CATSPERZ: variants seen among roughly 807,000 people sequenced by gnomAD.
The protein encoded by CATSPERZ is catsper channel auxiliary subunit zeta.
A neutral mutation model predicts 21.7 loss-of-function variants in CATSPERZ; 21 were observed. The ratio of observed to expected loss-of-function variants is 0.97; its 90% confidence interval spans 0.69 to 1.39. The LOEUF (loss-of-function observed/expected upper bound fraction) is 1.39, where lower values mean the gene tolerates loss of function less well. Among genes scored for constraint, CATSPERZ ranks in the 40% most tolerant of loss-of-function variants. CATSPERZ has a pLI of 0.00. For missense variants in CATSPERZ, 234 were observed against 259.5 expected, an observed-to-expected ratio of 0.90 and a Z score of 0.68; for synonymous variants, 127 against 108.7, an observed-to-expected ratio of 1.17 and a Z score of -1.05.
At chr11:64,301,735 T>G (rs2034930472) in intron 2 of CATSPERZ, among the ~76,000 whole-genome samples, 1 of 151,866 alleles carries the variant, frequency 6.6e-6, no homozygotes, top group Admixed American at 6.6e-5. Context: ...GTTGTGATCA[T>G]AGCTCACTAC....
At chr11:64,303,993 A>C (rs2034973037) in intron 4 of CATSPERZ, among the ~76,000 whole-genome samples, 154 bp downstream of exon 4, 2 of 152,108 alleles carry the variant, frequency 1.3e-5, no homozygotes, top group South Asian at 4.1e-4. Flanking sequence ...AAAAGTTAAA[A>C]GCTGAGGGAC....
chr11:64,303,837 G>A lies in CATSPERZ; in HGVS notation c.497G>A (p.Arg166Gln), dbSNP rs111486531. The A allele has an allele frequency of 6.8e-5, 109 of 1,594,308 alleles. 4 individuals carry two copies. The African/African-American group carries it at 7.0e-4, about 10-fold the overall frequency. The change falls in exon 4 of 5, where the codon CGG becomes CAG. Residue 166 changes from arginine (R) to glutamine (Q), a missense_variant and splice_region_variant. Physicochemically the swap from Arg to Gln is conservative, Grantham distance 43. Transcript: ENST00000328404. ...CTGGAAATCCTCACCAAAGCCCTCC[G>A]GAGTAAGCTCCCCGCCAACCCCCAA... is the stretch of plus-strand genomic sequence containing the variant. ...EALEILTKALRSYQLGIGRDH... is the reference protein window; with the variant it reads ...EALEILTKALQSYQLGIGRDH...
At chr11:64,303,121 G>A (rs1302159673) in intron 2 of CATSPERZ, among the ~76,000 whole-genome samples, 1 of 151,420 alleles carries the variant, frequency 6.6e-6, no homozygotes, top group Admixed American at 6.6e-5. Flanking sequence ...GGTTGGTCTC[G>A]AACTCCTGAC....
rs778333684 is a variant in CATSPERZ at position 64,304,624 on chromosome 11, G to A, written c.581G>A (p.Ser194Asn). The change falls in exon 5 of 5, where the codon AGC (serine) becomes AAC (asparagine). Residue 194 changes from serine to asparagine, a missense_variant. Transcript: ENST00000328404. ...RYIEGLKKRR[S>N]KRLYVN is the part of the protein sequence containing the mutation. ...ATCGAAGGGCTCAAGAAGCGCCGGAGCAAGAGGCTGTACGTGAATTAAAAA... is the reference window on the plus strand; with the variant it reads ...ATCGAAGGGCTCAAGAAGCGCCGGAACAAGAGGCTGTACGTGAATTAAAAA... 6.3e-7 allele frequency: 1 copy of A among 1,576,676 alleles called. No homozygotes were observed. The highest frequency in any genetic ancestry group is 2.3e-5 in the East Asian group (1 of 42,648).
chr11:64,304,689 T>C lies in CATSPERZ; in HGVS notation c.*43T>C. ...CGAGCAGCGACCCGAACCAGCCCCG[T>C]GCCAGCCCGGTCCCCAGACCCAAGC... is the stretch of plus-strand genomic sequence containing the variant. On this transcript the variant is annotated 3_prime_UTR_variant, in exon 5 of 5. Transcript: ENST00000328404. The C allele has an allele frequency of 6.6e-7, 1 of 1,523,850 alleles. No individual in the cohort carries two copies. The highest frequency in any genetic ancestry group is 8.9e-7 in the Non-Finnish European group (1 of 1,124,052). 94.4% of individuals were successfully genotyped at this position (1,523,850 alleles called of 1,614,324 possible). A position where few individuals can be genotyped will look rare whatever the true frequency, so the allele number is the denominator to read the frequency against.
At chr11:64,303,751 A>G (rs769578342) in intron 3 of CATSPERZ, 22 bp from the exon 4 acceptor site, 1 of 1,585,112 alleles carries the variant, frequency 6.3e-7, no homozygotes, top group Non-Finnish European at 8.6e-7. Flanking sequence ...CTGGACGCCT[A>G]AGCCTCTTGC....
chr11:64,304,444 G>A, intron 4 of CATSPERZ, 99 bp from the exon 5 acceptor site: 1 of 876,696 alleles, frequency 1.1e-6, no homozygotes, highest in Non-Finnish European at 1.8e-6. Flanking sequence ...CTGCTACCTC[G>A]AATCATCTGC....
chr11:64,301,093 T>G, intron 2 of CATSPERZ, 106 bp downstream of exon 2: 1 of 1,130,192 alleles, frequency 8.8e-7, no homozygotes, highest in Non-Finnish European at 1.2e-6. Flanking sequence ...GATCCAAGTT[T>G]CTAGGATTCT....
At chr11:64,302,996 T>A (rs2034952113) in intron 2 of CATSPERZ, among the ~76,000 whole-genome samples, 1 of 151,354 alleles carries the variant, frequency 6.6e-6, no homozygotes, top group African/African-American at 2.4e-5. Context: ...GCCTCCCTGG[T>A]TCAAGTGATT....
rs916589693 is a variant in CATSPERZ, at chr11:64,304,752, TAA to T, written c.*109_*110del. Reference sequence around the variant, plus strand: ...GAGTGGAATTTGAGTCCTAAAGAAATAAAAGAGTCGATGCATGGTCCGTGAGT... The same window carrying T: ...GAGTGGAATTTGAGTCCTAAAGAAATAAGAGTCGATGCATGGTCCGTGAGT... On this transcript the variant is annotated 3_prime_UTR_variant, in exon 5 of 5. Transcript: ENST00000328404. 18 of 940,988 alleles carry T rather than the reference TAA, an allele frequency of 1.9e-5. No individual in the cohort carries two copies. The African/African-American group carries it at 2.5e-4, about 13-fold the overall frequency. 58.3% of individuals were successfully genotyped at this position (940,988 alleles called of 1,614,324 possible).
chr11:64,300,577 G>T, intron 1 of CATSPERZ, 80 bp from the exon 2 acceptor site: 1 of 1,449,684 alleles, frequency 6.9e-7, no homozygotes. Flanking sequence ...AACCCGGCCC[G>T]GCTCAGTTCC....
rs570258786 is a variant in CATSPERZ at position 64,301,003 on chromosome 11, C to A, written c.352+16C>A. On this transcript the variant is annotated intron_variant, in intron 2 of 4. Coordinates refer to ENST00000328404, the MANE Select transcript of CATSPERZ (RefSeq NM_001039496.2). The stretch of plus-strand genomic sequence containing the variant: ...ATCGAGGCCGGTCAGTGTGGCCTCG[C>A]CAGGCCGTGGGCACCCGCAGGGCAA... 2 of 1,503,838 alleles carry A rather than the reference C, an allele frequency of 1.3e-6. No homozygotes were observed. The highest frequency in any genetic ancestry group is 4.9e-5 in the East Asian group (2 of 40,716). The allele number at this position is 1,503,838 out of a possible 1,614,324, so 93.2% of individuals were successfully genotyped here. A position where few individuals can be genotyped will look rare whatever the true frequency, so the allele number is the denominator to read the frequency against.
chr11:64,304,042 G>A (rs2034974137), intron 4 of CATSPERZ, among the ~76,000 whole-genome samples: 1 of 152,198 alleles, frequency 6.6e-6, no homozygotes. Flanking sequence ...TGTGGTGATG[G>A]GCAGAGGCCT....
intron 2 of CATSPERZ, among the ~76,000 whole-genome samples, 189 bp downstream of exon 2, chr11:64,301,176 C>T (rs1191712707): frequency 6.6e-6 from 1 of 152,262 alleles, no homozygotes; most frequent in Admixed American, 6.5e-5. Context: ...CCCTCCCGGG[C>T]AGGCGTTGTA....
At chr11:64,303,304 C>T (rs916917270) in intron 2 of CATSPERZ, among the ~76,000 whole-genome samples, 178 bp from the exon 3 acceptor site, 12 of 152,264 alleles carry the variant, frequency 7.9e-5, no homozygotes, top group African/African-American at 2.6e-4. Flanking sequence ...TTACTGGAAC[C>T]ATGTGGGTGG....
intron 4 of CATSPERZ, among the ~76,000 whole-genome samples, chr11:64,304,074 C>T (rs1245719070): frequency 6.6e-6 from 1 of 152,146 alleles, no homozygotes; most frequent in African/African-American, 2.4e-5. Context: ...TGAGTGCAGC[C>T]CCTCTCCAGC....
At chr11:64,302,635 C>T (rs1280771360) in intron 2 of CATSPERZ, among the ~76,000 whole-genome samples, 2 of 152,100 alleles carry the variant, frequency 1.3e-5, no homozygotes, top group African/African-American at 4.8e-5. Flanking sequence ...TGCAATGGTG[C>T]GATCTTGGCT....
intron 4 of CATSPERZ, 63 bp from the exon 5 acceptor site, chr11:64,304,480 C>T (rs2034983122): frequency 7.7e-7 from 1 of 1,293,384 alleles, no homozygotes; most frequent in Non-Finnish European, 1.1e-6. Flanking sequence ...ACATGCGGCG[C>T]CCCCTGGTGG....
In CATSPERZ at chr11:64,300,802, G is replaced by A. The variant is rs749905476; in HGVS notation, c.167G>A (p.Gly56Asp). 38 of 1,558,208 alleles carry A rather than the reference G, an allele frequency of 2.4e-5. No homozygotes were observed. In the East Asian group the frequency reaches 7.0e-4, roughly 29 times the overall value. Residue 56 changes from glycine to aspartate, a missense_variant, in exon 2 of 5, where the codon GGC becomes GAC. Transcript: ENST00000328404. ...GTCTGCGAGGGCTTCGACGAGGAGG[G>A]CCGCAACATTAGCAAGACCCGCGGG... ...SEVCEGFDEE[G>D]RNISKTRGWH... is the part of the protein sequence containing the mutation.
Sources: gnomAD v4.1 joint callset for allele counts (sites outside exome capture counted in the v4.1 genomes callset) on GRCh38, gnomAD v4.1.1 for gene constraint, MANE v1.5 for transcripts, NCBI Gene and HGNC (gene_info 2026-07-23, HGNC 2026-07-21) for gene names.